The following HEMK2 variants were observed in gnomAD, a reference collection of about 807,000 sequenced individuals.
HEMK2 encodes the protein methyltransferase HEMK2.
At chr21:28,781,392 T>C in the HEMK2 span, among the ~76,000 whole-genome samples, 9,639 of 152,174 alleles carry the variant, frequency 0.063, 469 homozygotes, top group African/African-American at 0.14. Flanking sequence ...ATGAGACATA[T>C]AGCTACCCAT....
At chr21:28,834,250 G>A in the HEMK2 span, among the ~76,000 whole-genome samples, 1 of 152,174 alleles carries the variant, frequency 6.6e-6, no homozygotes, top group Non-Finnish European at 1.5e-5. Context: ...GAACAAACCA[G>A]CAATCCTGAG....
At chr21:28,654,748 A>G in the HEMK2 span, among the ~76,000 whole-genome samples, 478 of 152,240 alleles carry the variant, frequency 3.1e-3, 6 homozygotes, top group Non-Finnish European at 4.4e-3. Context: ...ACCCAATTTT[A>G]GAAAAGTGGT....
chr21:28,660,417 A>T, the HEMK2 span, among the ~76,000 whole-genome samples: 1 of 151,600 alleles, frequency 6.6e-6, no homozygotes, highest in Non-Finnish European at 1.5e-5. Flanking sequence ...TAGCTGGAGG[A>T]TTTGGGGTAA....
At chr21:28,845,749 A>G in the HEMK2 span, among the ~76,000 whole-genome samples, 1 of 152,024 alleles carries the variant, frequency 6.6e-6, no homozygotes, top group African/African-American at 2.4e-5. Flanking sequence ...ATGCTTTTTA[A>G]AAATTTATCT....
At chr21:28,711,449 A>G in the HEMK2 span, among the ~76,000 whole-genome samples, 2 of 152,126 alleles carry the variant, frequency 1.3e-5, no homozygotes, top group Non-Finnish European at 2.9e-5. Context: ...ACAGCCCTCA[A>G]CCACTGCCTG....
the HEMK2 span, among the ~76,000 whole-genome samples, chr21:28,685,341 T>A: frequency 7.6e-6 from 1 of 131,460 alleles, no homozygotes; most frequent in African/African-American, 3.4e-5. Context: ...TGAGCCTTTA[T>A]GTCCCAAAAG....
the HEMK2 span, among the ~76,000 whole-genome samples, chr21:28,711,106 G>T: frequency 6.6e-6 from 1 of 151,164 alleles, no homozygotes; most frequent in African/African-American, 2.4e-5. Flanking sequence ...AAATATATTA[G>T]CTAGAAACTC....
At chr21:28,755,361 A>C in the HEMK2 span, among the ~76,000 whole-genome samples, 2 of 152,204 alleles carry the variant, frequency 1.3e-5, no homozygotes, top group Non-Finnish European at 2.9e-5. Context: ...TGTACACACA[A>C]ACACACTCTA....
chr21:28,831,466 A>AGAAAGAAC, the HEMK2 span, among the ~76,000 whole-genome samples: 1 of 27,446 alleles, frequency 3.6e-5, no homozygotes, highest in Non-Finnish European at 6.2e-5. Flanking sequence ...AAAGAACGAA[A>AGAAAGAAC]GAAAGAAAGA....
the HEMK2 span, among the ~76,000 whole-genome samples, chr21:28,631,012 G>A: frequency 6.6e-6 from 1 of 152,194 alleles, no homozygotes; most frequent in African/African-American, 2.4e-5. Flanking sequence ...TAAGGAAACA[G>A]GAAGTCACTA....
chr21:28,795,627 C>T, the HEMK2 span, among the ~76,000 whole-genome samples: 2 of 152,182 alleles, frequency 1.3e-5, no homozygotes, highest in Non-Finnish European at 2.9e-5. Context: ...CTACACAGAA[C>T]ATTTCAGAAG....
chr21:28,671,565 A>G, the HEMK2 span, among the ~76,000 whole-genome samples: 15 of 152,174 alleles, frequency 9.9e-5, no homozygotes, highest in Non-Finnish European at 2.1e-4. Context: ...CCAGAAGACT[A>G]TGATGATAAA....
chr21:28,590,692 T>A, the HEMK2 span, among the ~76,000 whole-genome samples: 1 of 152,216 alleles, frequency 6.6e-6, no homozygotes, highest in Non-Finnish European at 1.5e-5. Context: ...TATTAACTGA[T>A]GAGTTTGCCA....
chr21:28,732,511 T>C, the HEMK2 span, among the ~76,000 whole-genome samples: 2 of 152,034 alleles, frequency 1.3e-5, no homozygotes, highest in Non-Finnish European at 2.9e-5. Context: ...AAAGGCAGAA[T>C]ACTGTGGGTT....
At chr21:28,714,121 T>G in the HEMK2 span, among the ~76,000 whole-genome samples, 5 of 152,342 alleles carry the variant, frequency 3.3e-5, no homozygotes, top group East Asian at 9.6e-4. Context: ...TTCTCAACAT[T>G]TTATTGTATG....
the HEMK2 span, among the ~76,000 whole-genome samples, chr21:28,689,013 T>C: frequency 6.6e-6 from 1 of 152,090 alleles, no homozygotes; most frequent in Admixed American, 6.6e-5. Context: ...AAGCTGAAAA[T>C]ATTTACTGTC....
the HEMK2 span, among the ~76,000 whole-genome samples, chr21:28,654,292 T>C: frequency 1.3e-5 from 2 of 152,166 alleles, no homozygotes; most frequent in African/African-American, 4.8e-5. Context: ...CAGTGTTTTG[T>C]GCAACTAAGT....
the HEMK2 span, among the ~76,000 whole-genome samples, chr21:28,855,252 A>C: frequency 6.6e-6 from 1 of 152,226 alleles, no homozygotes; most frequent in African/African-American, 2.4e-5. Flanking sequence ...ACAACATTCG[A>C]AAGAGACAAA....
the HEMK2 span, among the ~76,000 whole-genome samples, chr21:28,863,110 G>T: frequency 6.6e-6 from 1 of 152,012 alleles, no homozygotes; most frequent in Non-Finnish European, 1.5e-5. Flanking sequence ...GTTGCCAAAG[G>T]AGATTAACAT....
Sources: gnomAD v4.1 joint callset for allele counts (sites outside exome capture counted in the v4.1 genomes callset) on GRCh38, gnomAD v4.1.1 for gene constraint, MANE v1.5 for transcripts, NCBI Gene and HGNC (gene_info 2026-07-23, HGNC 2026-07-21) for gene names.